The following COL6A1 variants were observed in gnomAD, a reference collection of about 807,000 sequenced individuals.
COL6A1 encodes the protein collagen alpha-1(VI) chain.
In COL6A1, 80 loss-of-function variants were observed where a neutral mutation model predicts 145.6. The observed-to-expected ratio is 0.55, with a 90% CI of 0.46 to 0.66. COL6A1 has a LOEUF of 0.66. Among genes scored for constraint, COL6A1 ranks in the 30% least tolerant of loss-of-function variants. COL6A1 has a pLI of 0.00. For synonymous variants in COL6A1, 638 were observed against 622.8 expected, an observed-to-expected ratio of 1.02 and a Z score of -0.36; for missense variants, 1,364 against 1,473.8, an observed-to-expected ratio of 0.93 and a Z score of 1.22.
chr21:45,986,694 CG>C lies in COL6A1; in HGVS notation c.588+11del. ...TCACACCCGACCACCTGGTAGGCAC[CG>C]GCCCCCCCCGGCAGATGCCCCCAAC... On this transcript the variant is annotated intron_variant, in intron 4 of 34. Transcript: ENST00000361866. 6.5e-7 allele frequency: 1 copy of C among 1,541,824 alleles called. No homozygotes were observed.
At chr21:45,985,095 G>A (rs2077731103) in intron 3 of COL6A1, among the ~76,000 whole-genome samples, 1 of 151,826 alleles carries the variant, frequency 6.6e-6, no homozygotes, top group African/African-American at 2.4e-5. Context: ...CAGAGACAGA[G>A]AGACAGAGAC....
At position 45,999,796 on chromosome 21, in the gene COL6A1, G is replaced by GC; in HGVS notation, c.1776+104_1776+105insC. On this transcript the variant is annotated intron_variant, in intron 27 of 34. Transcript: ENST00000361866. ...TGCTCCTGTAGACGCTGCTCACGGGGGGGTGGGTTGTGGACAAAGAGCTGG... is the reference window on the plus strand; with the variant it reads ...TGCTCCTGTAGACGCTGCTCACGGGGCGGGTGGGTTGTGGACAAAGAGCTGG... 1.1e-5 allele frequency: 11 copies of GC among 963,410 alleles called. No homozygotes were observed. The South Asian group carries it at 1.5e-4, about 13-fold the overall frequency. The allele number at this position is 963,410 out of a possible 1,614,324, so 59.7% of individuals were successfully genotyped here.
Position 45,992,358 on chromosome 21 carries a change from C to T in COL6A1, c.1237-5C>T, listed in dbSNP as rs1310987536. The T allele has an allele frequency of 1.2e-6, 2 of 1,613,626 alleles. No homozygotes were observed. Among genetic ancestry groups the T allele is most frequent in the Non-Finnish European group, 1.7e-6 (2 of 1,180,018 alleles). Reference sequence around the variant, plus strand: ...AACGCCGGCGTCTGTTTCTCTTCATCCCAGGGGAACCCAGGACCTGACGGT... The same window carrying T: ...AACGCCGGCGTCTGTTTCTCTTCATTCCAGGGGAACCCAGGACCTGACGGT... On this transcript the variant is annotated splice_region_variant and splice_polypyrimidine_tract_variant and intron_variant, in intron 17 of 34. Transcript: ENST00000361866.
At chr21:45,992,905 GA>G in intron 19 of COL6A1, 95 bp downstream of exon 19, 1 of 1,173,390 alleles carries the variant, frequency 8.5e-7, no homozygotes, top group Non-Finnish European at 1.2e-6. Context: ...GACACATCAT[GA>G]AGCCCCTGTG....
At chr21:45,993,316 G>T (rs1173298185) in intron 19 of COL6A1, among the ~76,000 whole-genome samples, 2 of 152,220 alleles carry the variant, frequency 1.3e-5, no homozygotes, top group Non-Finnish European at 2.9e-5. Context: ...GGGTGCAGAA[G>T]CACAGGGCCC....
chr21:46,003,778 C>T lies in COL6A1; in HGVS notation c.2852C>T (p.Thr951Met), dbSNP rs371111712. The change falls in exon 35 of 35, where the codon ACG (threonine) becomes ATG (methionine). Residue 951 changes from threonine to methionine, a missense_variant. Physicochemically the swap from Thr to Met is moderately conservative, Grantham distance 81. This residue lies in a region of COL6A1 where 938 missense variants were observed against 1,003.8 expected (regional missense o/e 0.93). Transcript: ENST00000361866. ...TCAGATGGCAACTCGCAGGGCGCCA[C>T]GCCCGCTGCCATCGAGAAGGCCGTG... is the stretch of plus-strand genomic sequence containing the variant. ...LFSDGNSQGATPAAIEKAVQE... is the reference protein window; with the variant it reads ...LFSDGNSQGAMPAAIEKAVQE... 174 of 1,611,728 alleles carry T rather than the reference C, an allele frequency of 1.1e-4. 1 individual carries two copies. The highest frequency in any genetic ancestry group is 1.6e-4 in the Middle Eastern group (1 of 6,082).
rs141212516 is a variant in COL6A1 at position 45,998,814 on chromosome 21, C to CT, written c.1612-80dup. 1,242,427 of 1,444,644 alleles carry CT rather than the reference C, an allele frequency of 0.86. 535,458 individuals are homozygous for CT. The highest frequency in any genetic ancestry group is 0.91 in the Admixed American group (46,152 of 50,562). 89.5% of individuals were successfully genotyped at this position (1,444,644 alleles called of 1,614,324 possible). Reference sequence around the variant, plus strand: ...GGGAAGAGAAGAGTGCCTCTCTTATCTTTATTTTTTTCCTTTTAAAATTTC... The same window carrying CT: ...GGGAAGAGAAGAGTGCCTCTCTTATCTTTTATTTTTTTCCTTTTAAAATTTC... On this transcript the variant is annotated intron_variant, in intron 24 of 34. Coordinates refer to ENST00000361866, the MANE Select transcript of COL6A1 (RefSeq NM_001848.3).
chr21:45,984,467 G>T lies in COL6A1; in HGVS notation c.426G>T (p.Val142=), dbSNP rs2077726199. ...AGAAGGGGCTGGAGCAGCTCCTCGTGGGGTGAGTGGCCCCCAGCCTCCTGC... is the reference window on the plus strand; with the variant it reads ...AGAAGGGGCTGGAGCAGCTCCTCGTTGGGTGAGTGGCCCCCAGCCTCCTGC... ...AIKKGLEQLL[V]GGSHLKENKY... is the part of the protein sequence containing the mutation. The change falls in exon 3 of 35, where the codon GTG becomes GTT. Residue 142 remains valine, a splice_region_variant and synonymous_variant. Transcript: ENST00000361866. 1 of 1,609,282 alleles carries T rather than the reference G, an allele frequency of 6.2e-7. No individual in the cohort carries two copies. Among genetic ancestry groups the T allele is most frequent in the Non-Finnish European group, 8.5e-7 (1 of 1,179,788 alleles).
At chr21:45,999,507 C>A (rs188696684) in intron 26 of COL6A1, 150 bp from the exon 27 acceptor site, 14 of 904,394 alleles carry the variant, frequency 1.5e-5, no homozygotes, top group Non-Finnish European at 2.1e-5. Context: ...CTCACAGCAC[C>A]GTCACTGGAG....
chr21:46,000,709 C>T lies in COL6A1; in HGVS notation c.1814-50C>T, dbSNP rs372512219. Reference sequence around the variant, plus strand: ...CAAGAGTAAAAGCCTTTCTGACGTGCGCAGGACGCGGCCCTGACTGGTCTA... The same window carrying T: ...CAAGAGTAAAAGCCTTTCTGACGTGTGCAGGACGCGGCCCTGACTGGTCTA... On this transcript the variant is annotated intron_variant, in intron 28 of 34. Coordinates refer to ENST00000361866, the MANE Select transcript of COL6A1 (RefSeq NM_001848.3). 703 of 1,613,522 alleles carry T rather than the reference C, an allele frequency of 4.4e-4. 6 individuals are homozygous for T. The African/African-American group carries it at 7.2e-3, about 17-fold the overall frequency.
At chr21:46,002,824 T>C (rs1015217948) in intron 33 of COL6A1, 114 bp downstream of exon 33, 1 of 1,300,452 alleles carries the variant, frequency 7.7e-7, no homozygotes. Flanking sequence ...GTCCCAGATC[T>C]GCGTAGGTGC....
intron 30 of COL6A1, 124 bp from the exon 31 acceptor site, chr21:46,001,837 C>T (rs1166457650): frequency 1.3e-6 from 1 of 794,666 alleles, no homozygotes; most frequent in Non-Finnish European, 2.1e-6. Flanking sequence ...GCAGGGGACC[C>T]AGGTCCTGAG....
chr21:45,987,035 C>T lies in COL6A1; in HGVS notation c.680C>T (p.Ala227Val), dbSNP rs770597799. ...DWGQSRDAEE[A>V]ISQTIDTIVD... ...GGCCAGAGCCGCGACGCAGAGGAGG[C>T]CATCAGCCAGACCATCGACACCATC... Residue 227 changes from alanine (A) to valine (V), a missense_variant, in exon 5 of 35, where the codon GCC becomes GTC. Ala to Val is a moderately conservative substitution (Grantham distance 64). Around this residue, in one of 3 missense-constraint regions of COL6A1, gnomAD observed 414 missense variants for 437.6 expected, o/e 0.95. Transcript: ENST00000361866. The T allele has an allele frequency of 6.4e-6, 10 of 1,552,358 alleles. No homozygotes were observed. The South Asian group carries it at 7.1e-5, about 11-fold the overall frequency.
chr21:46,001,447 C>T, intron 30 of COL6A1, 61 bp downstream of exon 30: 1 of 1,594,608 alleles, frequency 6.3e-7, no homozygotes, highest in Non-Finnish European at 8.5e-7. Flanking sequence ...TGCCGGCCGC[C>T]CCTGCCCGCG....
chr21:45,999,879 A>ACG (rs1265813717), intron 27 of COL6A1, among the ~76,000 whole-genome samples, 187 bp downstream of exon 27: 46 of 37,892 alleles, frequency 1.2e-3, no homozygotes, highest in African/African-American at 3.1e-3. Flanking sequence ...TCATAGGGGG[A>ACG]TGTGTGAGGA....
Position 46,004,905 on chromosome 21 carries a change from A to G in COL6A1, c.*892A>G, listed in dbSNP as rs968590774. On this transcript the variant is annotated 3_prime_UTR_variant, in exon 35 of 35. Transcript: ENST00000361866. ...CTGTGTCTTACTAGAAACAACGCAA[A>G]CCTCTCCTTCCTCAGAATAGTGATG... 2 of 162,756 alleles carry G rather than the reference A, an allele frequency of 1.2e-5. No homozygotes were observed. Among genetic ancestry groups the G allele is most frequent in the South Asian group, 2.5e-4 (2 of 7,958 alleles). 10.1% of individuals were successfully genotyped at this position (162,756 alleles called of 1,614,324 possible). A position where few individuals can be genotyped will look rare whatever the true frequency, so the allele number is the denominator to read the frequency against.
intron 34 of COL6A1, 25 bp from the exon 35 acceptor site, chr21:46,003,366 A>T (rs1345785908): frequency 1.3e-6 from 2 of 1,599,848 alleles, no homozygotes; most frequent in Non-Finnish European, 1.7e-6. Context: ...GCCTCATGCT[A>T]ACGGCTGCCC....
chr21:46,003,486 C>T lies in COL6A1; in HGVS notation c.2560C>T (p.Arg854Cys), dbSNP rs771987341. 110 of 1,609,974 alleles carry T rather than the reference C, an allele frequency of 6.8e-5. No individual in the cohort carries two copies. The highest frequency in any genetic ancestry group is 8.3e-5 in the Non-Finnish European group (98 of 1,179,552). ...TGACACCACCAAGCGCTTCGCCAAG[C>T]GCCTGGCCGAGCGCTTCCTCACAGC... ...NFDTTKRFAK[R>C]LAERFLTAGR... The change falls in exon 35 of 35, where the codon CGC (arginine) becomes TGC (cysteine). Residue 854 changes from arginine (R) to cysteine (C), a missense_variant. Arg to Cys is a radical substitution (Grantham distance 180). This residue lies in a region of COL6A1 where 938 missense variants were observed against 1,003.8 expected (regional missense o/e 0.93). Transcript: ENST00000361866.
chr21:45,998,091 C>T, intron 22 of COL6A1, 30 bp from the exon 23 acceptor site: 2 of 1,610,760 alleles, frequency 1.2e-6, no homozygotes, highest in Non-Finnish European at 1.7e-6. Flanking sequence ...CAGGCCGATT[C>T]GCACGGTGAC....
Sources: allele counts gnomAD v4.1 joint callset (sites outside exome capture counted in the v4.1 genomes callset), GRCh38; gene constraint gnomAD v4.1.1; regional missense constraint gnomAD v4.1.1; transcripts MANE v1.5; gene names NCBI Gene and HGNC (gene_info 2026-07-23, HGNC 2026-07-21).